KBTBD11: variants seen among roughly 807,000 people sequenced by gnomAD.
The protein encoded by KBTBD11 is kelch repeat and BTB domain containing 11.
For synonymous variants in KBTBD11, 747 were observed against 499.0 expected, an observed-to-expected ratio of 1.50 and a Z score of -6.63; for missense variants, 1,390 against 1,001.8, an observed-to-expected ratio of 1.39 and a Z score of -5.23.
intron 1 of KBTBD11, among the ~76,000 whole-genome samples, chr8:1,987,172 C>T (rs536046265): frequency 6.6e-5 from 10 of 152,298 alleles, no homozygotes; most frequent in African/African-American, 2.2e-4. Flanking sequence ...CCTGTCCTTC[C>T]TCTCTCTGTT....
chr8:1,984,279 G>GTTTTT (rs71211539), intron 1 of KBTBD11, among the ~76,000 whole-genome samples: 11 of 98,566 alleles, frequency 1.1e-4, no homozygotes, highest in African/African-American at 2.3e-4. Flanking sequence ...CTCTAAAAAA[G>GTTTTT]TTTTTTTTTT....
At position 2,002,598 on chromosome 8, in the gene KBTBD11, G is replaced by A. The variant is rs1320048681; in HGVS notation, c.1406G>A (p.Arg469His). Residue 469 changes from arginine (R) to histidine (H), a missense_variant, in exon 2 of 2, where the codon CGC (arginine) becomes CAC (histidine). Physicochemically the swap from Arg to His is conservative, Grantham distance 29. Coordinates refer to ENST00000320248, the MANE Select transcript of KBTBD11 (RefSeq NM_014867.3). This position sits in a 1 kb window ranked among gnomAD's most constrained non-coding sequence, Gnocchi z 4.1. ...GTGTCCGGGGGCTCCCTCTTCTATC[G>A]CCTGCTCAAGTATGACCCGCGGCGC... ...IYVSGGSLFYRLLKYDPRRDE... is the reference protein window; with the variant it reads ...IYVSGGSLFYHLLKYDPRRDE... 1.3e-6 allele frequency: 2 copies of A among 1,585,228 alleles called. No individual in the cohort carries two copies. Among genetic ancestry groups the A allele is most frequent in the South Asian group, 1.1e-5 (1 of 88,910 alleles).
intron 1 of KBTBD11, among the ~76,000 whole-genome samples, chr8:1,979,851 C>A (rs1023675095): frequency 6.6e-6 from 1 of 152,238 alleles, no homozygotes; most frequent in African/African-American, 2.4e-5. Flanking sequence ...CGCGTGGCTT[C>A]CACACTCCTG....
In KBTBD11 at chr8:2,003,259, G is replaced by A. The variant is rs1205261790; in HGVS notation, c.*195G>A. 1.1e-6 allele frequency: 1 copy of A among 896,294 alleles called. No individual in the cohort carries two copies. Among genetic ancestry groups the A allele is most frequent in the African/African-American group, 1.7e-5 (1 of 57,564 alleles). 55.5% of individuals were successfully genotyped at this position (896,294 alleles called of 1,614,324 possible). ...CCTTTTGCTTGTCTTTGCTTCTGGG[G>A]GTGGATGCCTTGAGACCCAGGAGGT... On this transcript the variant is annotated 3_prime_UTR_variant, in exon 2 of 2. Transcript: ENST00000320248.
Position 2,005,920 on chromosome 8 carries a change from AG to A in KBTBD11, c.*2858del, listed in dbSNP as rs1162020157. 6.0e-6 allele frequency: 1 copy of A among 167,124 alleles called. No individual in the cohort carries two copies. Among genetic ancestry groups the A allele is most frequent in the East Asian group, 1.9e-4 (1 of 5,198 alleles). The allele number at this position is 167,124 out of a possible 1,614,324, so 10.4% of individuals were successfully genotyped here. ...CAATCAAGGTTCATTTGAGATGCAG[AG>A]GAATGAGCTTGAGCCTTCCTCCTTT... On this transcript the variant is annotated 3_prime_UTR_variant, in exon 2 of 2. Coordinates refer to ENST00000320248, the MANE Select transcript of KBTBD11 (RefSeq NM_014867.3).
chr8:2,001,621 G>A lies in KBTBD11; in HGVS notation c.429G>A (p.Val143=). 1.4e-6 allele frequency: 2 copies of A among 1,480,648 alleles called. No individual in the cohort carries two copies. Among genetic ancestry groups the A allele is most frequent in the Non-Finnish European group, 1.8e-6 (2 of 1,121,208 alleles). The allele number at this position is 1,480,648 out of a possible 1,614,324, so 91.7% of individuals were successfully genotyped here. ...CGGTGTACGGGGAGCCGGACCTGGT[G>A]CTGGAGGTGTCGGGGCGCCGGCTGC... ...FGAVYGEPDL[V]LEVSGRRLRA... is the part of the protein sequence containing the mutation. Residue 143 remains valine, a synonymous_variant, in exon 2 of 2, where the codon GTG becomes GTA. Coordinates refer to ENST00000320248, the MANE Select transcript of KBTBD11 (RefSeq NM_014867.3).
chr8:2,001,180 G>C lies in KBTBD11; in HGVS notation c.-13G>C, dbSNP rs1168012929. On this transcript the variant is annotated 5_prime_UTR_variant, in exon 2 of 2. Transcript: ENST00000320248. ...ACCGGGGGCGCGCGGGCGCAGCGCA[G>C]CACAGCCCGGCCATGGAGCACGCGG... 4 of 1,334,362 alleles carry C rather than the reference G, an allele frequency of 3.0e-6. No individual in the cohort carries two copies. The highest frequency in any genetic ancestry group is 3.8e-6 in the Non-Finnish European group (4 of 1,042,376). The allele number at this position is 1,334,362 out of a possible 1,614,324, so 82.7% of individuals were successfully genotyped here. A position where few individuals can be genotyped will look rare whatever the true frequency, so the allele number is the denominator to read the frequency against.
rs187152794 is a variant in KBTBD11 at position 1,995,448 on chromosome 8, A to G, written c.-908-4837A>G. ...TCCTGAGTGGTGTTTCCTCCTGGCT[A>G]GTTTTAGGCTGTGTAATTCTGCACA... On this transcript the variant is annotated intron_variant, in intron 1 of 1. Transcript: ENST00000320248. Among the ~76,000 whole-genome samples, 28 of 152,180 alleles carry G rather than the reference A, an allele frequency of 1.8e-4. No individual in the cohort carries two copies. In the East Asian group the frequency reaches 5.4e-3, roughly 29 times the overall value.
Position 2,005,791 on chromosome 8 carries a change from G to C in KBTBD11, c.*2727G>C. ...ACTCGTGAAATTAACCCATACGCAG[G>C]GGCCTTTCCAAATGTCTGAAAAGGC... On this transcript the variant is annotated 3_prime_UTR_variant, in exon 2 of 2. Transcript: ENST00000320248. 1 of 167,150 alleles carries C rather than the reference G, an allele frequency of 6.0e-6. No homozygotes were observed. 10.4% of individuals were successfully genotyped at this position (167,150 alleles called of 1,614,324 possible).
chr8:2,000,832 C>T lies in KBTBD11; in HGVS notation c.-361C>T, dbSNP rs904317588. 1 of 237,342 alleles carries T rather than the reference C, an allele frequency of 4.2e-6. No homozygotes were observed. The highest frequency in any genetic ancestry group is 8.1e-6 in the Non-Finnish European group (1 of 123,204). The allele number at this position is 237,342 out of a possible 1,614,324, so 14.7% of individuals were successfully genotyped here. A position where few individuals can be genotyped will look rare whatever the true frequency, so the allele number is the denominator to read the frequency against. On this transcript the variant is annotated 5_prime_UTR_variant, in exon 2 of 2. Coordinates refer to ENST00000320248, the MANE Select transcript of KBTBD11 (RefSeq NM_014867.3). ...CTGGTCACCCAGGCTGCAGAAACAACCGCAGTCAACTGCAGCTCCAGTCAT... is the reference window on the plus strand; with the variant it reads ...CTGGTCACCCAGGCTGCAGAAACAATCGCAGTCAACTGCAGCTCCAGTCAT...
At chr8:1,979,217 C>T (rs1220362833) in intron 1 of KBTBD11, among the ~76,000 whole-genome samples, 4 of 152,230 alleles carry the variant, frequency 2.6e-5, no homozygotes, top group African/African-American at 7.2e-5. Context: ...GCAGTCCCTC[C>T]TCCTCGGGAA....
rs186891909 is a variant in KBTBD11, at chr8:1,987,856, A to C, written c.-908-12429A>C. Reference sequence around the variant, plus strand: ...CATTAACTCGTCATTTACATTAGGTATTTCTCCTAATGCTTTCCCTCCCCC... The same window carrying C: ...CATTAACTCGTCATTTACATTAGGTCTTTCTCCTAATGCTTTCCCTCCCCC... On this transcript the variant is annotated intron_variant, in intron 1 of 1. Coordinates refer to ENST00000320248, the MANE Select transcript of KBTBD11 (RefSeq NM_014867.3). 9.7e-4 allele frequency among the ~76,000 whole-genome samples: 148 copies of C among 151,878 alleles called. No homozygotes were observed. In the East Asian group the frequency reaches 0.024, roughly 25 times the overall value.
intron 1 of KBTBD11, among the ~76,000 whole-genome samples, chr8:1,986,168 C>T (rs550948915): frequency 6.6e-6 from 1 of 152,320 alleles, no homozygotes; most frequent in Non-Finnish European, 1.5e-5. Context: ...GTTGTGCTTG[C>T]CTTTGGGGAT....
In KBTBD11 at chr8:1,991,542, T is replaced by TCAGAA. The variant is rs1339545482; in HGVS notation, c.-908-8742_-908-8741insAGAAC. ...TAATGAGCTTTCCCTCGATTCCAGC[T>TCAGAA]CTGTGATCCATGAGGGCAGGGCCCT... On this transcript the variant is annotated intron_variant, in intron 1 of 1. Transcript: ENST00000320248. 2.1e-3 allele frequency among the ~76,000 whole-genome samples: 318 copies of TCAGAA among 152,292 alleles called. 4 individuals carry two copies. Among genetic ancestry groups the TCAGAA allele is most frequent in the African/African-American group, 7.2e-3 (300 of 41,540 alleles).
At chr8:1,981,943 G>T (rs1033289458) in intron 1 of KBTBD11, among the ~76,000 whole-genome samples, 4 of 152,130 alleles carry the variant, frequency 2.6e-5, no homozygotes, top group African/African-American at 9.7e-5. Flanking sequence ...GGGATTCTCA[G>T]CCTCAATAAC....
rs374440700 is a variant in KBTBD11, at chr8:2,005,913, G to T, written c.*2849G>T. ...GTATTGCCAATCAAGGTTCATTTGAGATGCAGAGGAATGAGCTTGAGCCTT... is the reference window on the plus strand; with the variant it reads ...GTATTGCCAATCAAGGTTCATTTGATATGCAGAGGAATGAGCTTGAGCCTT... On this transcript the variant is annotated 3_prime_UTR_variant, in exon 2 of 2. Transcript: ENST00000320248. 1.8e-5 allele frequency: 3 copies of T among 167,122 alleles called. No homozygotes were observed. Among genetic ancestry groups the T allele is most frequent in the African/African-American group, 7.2e-5 (3 of 41,450 alleles). 10.4% of individuals were successfully genotyped at this position (167,122 alleles called of 1,614,324 possible). A position where few individuals can be genotyped will look rare whatever the true frequency, so the allele number is the denominator to read the frequency against.
chr8:1,989,469 C>T (rs372449276), intron 1 of KBTBD11, among the ~76,000 whole-genome samples: 1 of 152,224 alleles, frequency 6.6e-6, no homozygotes, highest in African/African-American at 2.4e-5. Flanking sequence ...AAGGACATCT[C>T]ATTCCTCTTC....
chr8:1,992,829 TTA>T (rs1190674644), intron 1 of KBTBD11, among the ~76,000 whole-genome samples: 3 of 147,514 alleles, frequency 2.0e-5, no homozygotes, highest in Admixed American at 2.0e-4. Flanking sequence ...TCTCTTTTAT[TTA>T]TTTTTTTTTT....
At chr8:1,992,928 C>G (rs1234766224) in intron 1 of KBTBD11, among the ~76,000 whole-genome samples, 1 of 151,440 alleles carries the variant, frequency 6.6e-6, no homozygotes, top group Non-Finnish European at 1.5e-5. Context: ...TAAAAACTTG[C>G]TTTTATTTTG....
Sources: gnomAD v4.1 joint callset for allele counts (sites outside exome capture counted in the v4.1 genomes callset) on GRCh38, gnomAD v4.1.1 for gene constraint, Gnocchi (gnomAD v3.1) non-coding constraint, MANE v1.5 for transcripts, NCBI Gene and HGNC (gene_info 2026-07-23, HGNC 2026-07-21) for gene names.